Variants in PC observed in about 807,000 individuals in gnomAD.
PC encodes pyruvate carboxylase, mitochondrial.
A neutral mutation model predicts 107.8 loss-of-function variants in PC; 46 were observed. The observed-to-expected ratio is 0.43, with a 90% CI of 0.34 to 0.55. The LOEUF is 0.55. PC is among the 20% of genes least tolerant of loss of function. PC has a pLI of 0.04. For synonymous variants in PC, 662 were observed against 684.7 expected, an observed-to-expected ratio of 0.97 and a Z score of 0.52; for missense variants, 1,241 against 1,643.1, an observed-to-expected ratio of 0.76 and a Z score of 4.23.
chr11:66,864,684 C>T (rs1946417137), intron 11 of PC, among the ~76,000 whole-genome samples: 1 of 152,190 alleles, frequency 6.6e-6, no homozygotes, highest in Non-Finnish European at 1.5e-5. Flanking sequence ...GGCAGCGGGG[C>T]AGCGGGACAG....
chr11:66,864,081 G>A, intron 11 of PC, 125 bp from the exon 12 acceptor site: 1 of 930,786 alleles, frequency 1.1e-6, no homozygotes, highest in Non-Finnish European at 1.7e-6. Context: ...GTGTCTGCAG[G>A]TGAATCCCAG....
At chr11:66,896,624 C>T (rs1172777919) in intron 3 of PC, among the ~76,000 whole-genome samples, 1 of 152,190 alleles carries the variant, frequency 6.6e-6, no homozygotes, top group Non-Finnish European at 1.5e-5. Flanking sequence ...TCAAGGGGAA[C>T]TAAAGGAAAA....
intron 3 of PC, among the ~76,000 whole-genome samples, chr11:66,907,228 C>T (rs1948192235): frequency 6.6e-6 from 1 of 152,226 alleles, no homozygotes; most frequent in Admixed American, 6.5e-5. Flanking sequence ...TCCAAGGTCT[C>T]AGGCAAAACC....
At position 66,851,923 on chromosome 11, in the gene PC, G is replaced by A. The variant is rs762166339; in HGVS notation, c.1849C>T (p.Arg617Cys). ...CGCCAGGGGCACTCATACAGGAAGC[G>A]CATGGCGACGTCAAACGTGGCTCCT... is the stretch of plus-strand genomic sequence containing the variant. ...WGGATFDVAM[R>C]FLYECPWRRL... The change falls in exon 16 of 23, where the codon CGC (arginine) becomes TGC (cysteine). Residue 617 changes from arginine (R) to cysteine (C), a missense_variant. This residue lies in a region of PC where 1,143 missense variants were observed against 1,551.9 expected (regional missense o/e 0.74). Coordinates refer to ENST00000393960, the MANE Select transcript of PC (RefSeq NM_001040716.2). 4.3e-6 allele frequency: 7 copies of A among 1,614,022 alleles called. No individual in the cohort carries two copies. Among genetic ancestry groups the A allele is most frequent in the Admixed American group, 1.7e-5 (1 of 60,026 alleles).
rs112112415 is a variant in PC, at chr11:66,918,085, A to G, written c.-1+34345T>C. ...CCTCTAGGTGGTGATAGAAACAGCA[A>G]ATAGAATCCTTTTTCCTCCTCTTAA... is the stretch of plus-strand genomic sequence containing the variant. On this transcript the variant is annotated intron_variant, in intron 3 of 22. Coordinates refer to ENST00000393960, the MANE Select transcript of PC (RefSeq NM_001040716.2). 1.1e-4 allele frequency among the ~76,000 whole-genome samples: 17 copies of G among 152,298 alleles called. 1 individual carries two copies. The highest frequency in any genetic ancestry group is 3.8e-4 in the African/African-American group (16 of 41,562).
intron 3 of PC, among the ~76,000 whole-genome samples, chr11:66,901,597 A>G (rs1322542612): frequency 6.6e-6 from 1 of 152,052 alleles, no homozygotes; most frequent in East Asian, 1.9e-4. Context: ...CAGCCTCTGG[A>G]GTAGCTGGGA....
chr11:66,852,942 TC>T lies in PC; in HGVS notation c.1514-107del. Reference sequence around the variant, plus strand: ...GGGACAGGGACACATCCCTCCAGGATCCCCGGGCTTCCAGCTGGCCCCTGTC... The same window carrying T: ...GGGACAGGGACACATCCCTCCAGGATCCCGGGCTTCCAGCTGGCCCCTGTC... On this transcript the variant is annotated intron_variant, in intron 13 of 22. Transcript: ENST00000393960. The surrounding 1 kb of genome is among the most constrained non-coding windows in gnomAD (Gnocchi z 4.7). 1.1e-6 allele frequency: 1 copy of T among 886,440 alleles called. No individual in the cohort carries two copies. The highest frequency in any genetic ancestry group is 1.7e-6 in the Non-Finnish European group (1 of 587,490). 54.9% of individuals were successfully genotyped at this position (886,440 alleles called of 1,614,324 possible). A position where few individuals can be genotyped will look rare whatever the true frequency, so the allele number is the denominator to read the frequency against.
At position 66,858,872 on chromosome 11, in the gene PC, C is replaced by T; in HGVS notation, c.1368+4902G>A. 3 of 1,555,106 alleles carry T rather than the reference C, an allele frequency of 1.9e-6. No individual in the cohort carries two copies. The East Asian group carries it at 7.2e-5, about 37-fold the overall frequency. On this transcript the variant is annotated intron_variant, in intron 12 of 22. Coordinates refer to ENST00000393960, the MANE Select transcript of PC (RefSeq NM_001040716.2). This position sits in a 1 kb window ranked among gnomAD's most constrained non-coding sequence, Gnocchi z 5.9. ...TGCTGGCCTTGCCCCATGGTGGGAA[C>T]AGCAGTGCCGAGGGGGGCCGCCCCG...
chr11:66,859,976 C>T (rs1202974212), intron 12 of PC: 1 of 1,600,696 alleles, frequency 6.2e-7, no homozygotes, highest in Non-Finnish European at 8.5e-7. Context: ...CCAATGGAGG[C>T]CCCAGCCCCA....
chr11:66,930,989 G>A (rs1948833305), intron 3 of PC, among the ~76,000 whole-genome samples: 1 of 152,130 alleles, frequency 6.6e-6, no homozygotes, highest in Non-Finnish European at 1.5e-5. Flanking sequence ...ATGTCCAGGT[G>A]TTCAAAACCA....
intron 3 of PC, among the ~76,000 whole-genome samples, chr11:66,946,083 A>G (rs1049821217): frequency 7.5e-6 from 1 of 133,436 alleles, no homozygotes; most frequent in African/African-American, 2.9e-5. Flanking sequence ...ACAGAGCGAG[A>G]CTCCGTCTCA....
chr11:66,943,970 C>CA (rs145566931), intron 3 of PC, among the ~76,000 whole-genome samples: 126 of 100,612 alleles, frequency 1.3e-3, no homozygotes, highest in Admixed American at 2.6e-3. Flanking sequence ...GAAACTGTCT[C>CA]AAAAAAAAAA....
intron 3 of PC, among the ~76,000 whole-genome samples, chr11:66,946,114 A>AAG (rs1949283444): frequency 6.6e-6 from 1 of 150,486 alleles, no homozygotes; most frequent in Non-Finnish European, 1.5e-5. Flanking sequence ...AAAAAAAAAA[A>AAG]GAAATCTGTG....
rs368549197 is a variant in PC at position 66,871,719 on chromosome 11, G to T, written c.289C>A (p.Leu97Met). ...GRGLAPVQAY[L>M]HIPDIIKVAK... ...ACCTTGATGATGTCTGGGATGTGCA[G>T]GTAGGCCTGCACGGGGGCCAGGCCG... The change falls in exon 5 of 23, where the codon CTG becomes ATG. Residue 97 changes from leucine (L) to methionine (M), a missense_variant. Physicochemically the swap from Leu to Met is conservative, Grantham distance 15. This residue lies in a region of PC where 1,143 missense variants were observed against 1,551.9 expected (regional missense o/e 0.74). Coordinates refer to ENST00000393960, the MANE Select transcript of PC (RefSeq NM_001040716.2). The surrounding 1 kb of genome is among the most constrained non-coding windows in gnomAD (Gnocchi z 7.4). 2 of 1,572,078 alleles carry T rather than the reference G, an allele frequency of 1.3e-6. No individual in the cohort carries two copies. The highest frequency in any genetic ancestry group is 1.7e-6 in the Non-Finnish European group (2 of 1,158,822).
At chr11:66,877,308 C>G (rs894433796) in intron 3 of PC, among the ~76,000 whole-genome samples, 17 of 152,172 alleles carry the variant, frequency 1.1e-4, no homozygotes, top group African/African-American at 4.1e-4. Context: ...GTTGCTTGAG[C>G]CTGTGAGGCG....
intron 3 of PC, among the ~76,000 whole-genome samples, chr11:66,947,821 G>C (rs1378930223): frequency 6.6e-6 from 1 of 151,664 alleles, no homozygotes; most frequent in Non-Finnish European, 1.5e-5. Context: ...AAATTAGCTG[G>C]GCGTGGTGGT....
chr11:66,867,880 C>T (rs999474701), intron 10 of PC, among the ~76,000 whole-genome samples: 2 of 152,264 alleles, frequency 1.3e-5, no homozygotes, highest in African/African-American at 4.8e-5. Context: ...ACAGCAGCCA[C>T]CCCGACAGCA....
rs771967835 is a variant in PC at position 66,859,058 on chromosome 11, G to A, written c.1368+4716C>T. 12 of 1,498,456 alleles carry A rather than the reference G, an allele frequency of 8.0e-6. No homozygotes were observed. In the South Asian group the frequency reaches 1.2e-4, roughly 15 times the overall value. 92.8% of individuals were successfully genotyped at this position (1,498,456 alleles called of 1,614,324 possible). Reference sequence around the variant, plus strand: ...ACCCAGTGTGGATGTTCCAAATCCAGTACAACAGCAGCGAAGATGAGACCC... The same window carrying A: ...ACCCAGTGTGGATGTTCCAAATCCAATACAACAGCAGCGAAGATGAGACCC... On this transcript the variant is annotated intron_variant, in intron 12 of 22. Coordinates refer to ENST00000393960, the MANE Select transcript of PC (RefSeq NM_001040716.2).
rs1491505259 is a variant in PC at position 66,873,471 on chromosome 11, A to AAT, written c.1-1314_1-1313dup. Among the ~76,000 whole-genome samples the AAT allele has an allele frequency of 3.4e-3, 262 of 76,696 alleles. 3 individuals carry two copies. The highest frequency in any genetic ancestry group is 0.013 in the African/African-American group (253 of 19,660). 50.3% of individuals were successfully genotyped at this position (76,696 alleles called of 152,430 possible). A position where few individuals can be genotyped will look rare whatever the true frequency, so the allele number is the denominator to read the frequency against. On this transcript the variant is annotated intron_variant, in intron 3 of 22. Transcript: ENST00000393960. ...TATATATAAAATATATATTATATAT[A>AAT]ATATAATATATAATATTATATATAT...
Sources: allele counts gnomAD v4.1 joint callset (sites outside exome capture counted in the v4.1 genomes callset), GRCh38; gene constraint gnomAD v4.1.1; regional missense constraint gnomAD v4.1.1; non-coding constraint Gnocchi (gnomAD v3.1); transcripts MANE v1.5; gene names NCBI Gene and HGNC (gene_info 2026-07-23, HGNC 2026-07-21).